Variants in COL5A2 observed in about 807,000 individuals in gnomAD.
COL5A2 encodes the protein collagen alpha-2(V) chain.
A neutral mutation model predicts 208.2 loss-of-function variants in COL5A2; 23 were observed. That is an observed-to-expected ratio of 0.11 (90% CI 0.08 to 0.16). COL5A2 has a LOEUF of 0.16. Ranked by LOEUF, COL5A2 falls within the 10% of genes least tolerant of loss-of-function variation. The pLI is 1.00. For missense variants in COL5A2, 1,590 were observed against 1,956.4 expected, an observed-to-expected ratio of 0.81 and a Z score of 3.53; for synonymous variants, 625 against 628.5, an observed-to-expected ratio of 0.99 and a Z score of 0.08.
chr2:189,256,091 A>G, the COL5A2 span, among the ~76,000 whole-genome samples: 1 of 152,240 alleles, frequency 6.6e-6, no homozygotes, highest in East Asian at 1.9e-4. Flanking sequence ...TTCCAGGCAG[A>G]GTACCTGGCA....
At chr2:189,262,380 C>T in the COL5A2 span, among the ~76,000 whole-genome samples, 28 of 152,036 alleles carry the variant, frequency 1.8e-4, no homozygotes, top group Non-Finnish European at 3.8e-4. Context: ...TGCACACACA[C>T]ACACACATAC....
intron 16 of COL5A2, among the ~76,000 whole-genome samples, chr2:189,075,905 A>T (rs904067336): frequency 1.5e-4 from 23 of 152,162 alleles, no homozygotes; most frequent in African/African-American, 5.6e-4. Flanking sequence ...TGGAAATATA[A>T]CCTGCTGATG....
intron 12 of COL5A2, among the ~76,000 whole-genome samples, chr2:189,081,814 C>A (rs944594489): frequency 6.6e-6 from 1 of 152,064 alleles, no homozygotes; most frequent in Non-Finnish European, 1.5e-5. Context: ...TCCAGTGGCA[C>A]AACTATTTTG....
the COL5A2 span, among the ~76,000 whole-genome samples, chr2:189,385,729 C>T: frequency 6.6e-6 from 1 of 151,820 alleles, no homozygotes; most frequent in Non-Finnish European, 1.5e-5. Flanking sequence ...TTCAAACTAA[C>T]CAAAGGTTGT....
the COL5A2 span, among the ~76,000 whole-genome samples, chr2:189,389,144 A>T: frequency 1.3e-5 from 2 of 152,176 alleles, no homozygotes; most frequent in African/African-American, 4.8e-5. Context: ...TATCAAGGGA[A>T]GATACAAGTT....
At chr2:189,139,138 G>A (rs560287412) in intron 1 of COL5A2, among the ~76,000 whole-genome samples, 15 of 152,066 alleles carry the variant, frequency 9.9e-5, no homozygotes, top group Non-Finnish European at 1.9e-4. Flanking sequence ...GGCTTGGCGC[G>A]GTGGCTCACG....
chr2:189,118,308 AT>A (rs1462248162), intron 1 of COL5A2, among the ~76,000 whole-genome samples: 3 of 152,024 alleles, frequency 2.0e-5, no homozygotes, highest in African/African-American at 7.2e-5. Context: ...GAGAATATTC[AT>A]TATTGTATAC....
intron 1 of COL5A2, among the ~76,000 whole-genome samples, chr2:189,210,862 C>T (rs1162541408): frequency 6.6e-6 from 1 of 152,128 alleles, no homozygotes. Flanking sequence ...GGGGTGGGAC[C>T]GAAGGTTTGC....
chr2:189,140,962 T>C (rs74693769), intron 1 of COL5A2, among the ~76,000 whole-genome samples: 4,004 of 152,284 alleles, frequency 0.026, 190 homozygotes, highest in African/African-American at 0.092. Flanking sequence ...TTCTAAAATA[T>C]ACTAAAATTT....
At chr2:189,068,295 A>G (rs1229933821) in intron 19 of COL5A2, 25 bp from the exon 20 acceptor site, 4 of 1,591,034 alleles carry the variant, frequency 2.5e-6, no homozygotes, top group Non-Finnish European at 3.4e-6. Flanking sequence ...AAAAGTATGT[A>G]ATGAAATATT....
At chr2:189,047,020 G>A (rs1330104288) in intron 45 of COL5A2, among the ~76,000 whole-genome samples, 1 of 151,798 alleles carries the variant, frequency 6.6e-6, no homozygotes, top group Admixed American at 6.6e-5. Flanking sequence ...TACTGGGGAG[G>A]CTGAGGCAGG....
At position 189,100,089 on chromosome 2, in the gene COL5A2, G is replaced by T; in HGVS notation, c.369+18C>A. On this transcript the variant is annotated intron_variant, in intron 4 of 53. Transcript: ENST00000374866. ...TTTATTTAAGGTACAAGGAAACAAT[G>T]ATTATACATATACTTACAACAGGCA... 1.9e-6 allele frequency: 3 copies of T among 1,590,068 alleles called. No homozygotes were observed. Among genetic ancestry groups the T allele is most frequent in the Non-Finnish European group, 2.6e-6 (3 of 1,158,470 alleles).
chr2:189,183,876 T>A (rs1051339016), upstream of COL5A2, among the ~76,000 whole-genome samples: 1 of 152,190 alleles, frequency 6.6e-6, no homozygotes. Context: ...CCCAGACACA[T>A]AAAGCAGTTT....
chr2:189,104,722 C>T (rs2105700316), intron 2 of COL5A2, among the ~76,000 whole-genome samples: 1 of 151,848 alleles, frequency 6.6e-6, no homozygotes, highest in South Asian at 2.1e-4. Context: ...TTCCACTTTA[C>T]CCCCACCCCC....
At chr2:189,323,702 C>T in the COL5A2 span, among the ~76,000 whole-genome samples, 1 of 152,186 alleles carries the variant, frequency 6.6e-6, no homozygotes, top group Non-Finnish European at 1.5e-5. Flanking sequence ...ACATTCCATG[C>T]TCATGGATAG....
chr2:189,061,450 T>C (rs1686029854), intron 30 of COL5A2, 112 bp downstream of exon 30: 6 of 828,582 alleles, frequency 7.2e-6, no homozygotes, highest in East Asian at 2.7e-5. Flanking sequence ...AAAAGAGGGA[T>C]GACTTTTTGA....
the COL5A2 span, among the ~76,000 whole-genome samples, chr2:189,408,119 T>C: frequency 2.6e-5 from 4 of 152,288 alleles, no homozygotes; most frequent in African/African-American, 4.8e-5. Flanking sequence ...TCCTCTCTAA[T>C]CTGGGGCTGC....
chr2:189,063,916 T>C, intron 26 of COL5A2, 64 bp downstream of exon 26: 2 of 1,261,922 alleles, frequency 1.6e-6, no homozygotes, highest in Non-Finnish European at 2.3e-6. Context: ...TAAATAAATA[T>C]CATTTAAGTT....
At position 189,079,110 on chromosome 2, in the gene COL5A2, A is replaced by G; in HGVS notation, c.961-3T>C. On this transcript the variant is annotated splice_region_variant and splice_polypyrimidine_tract_variant and intron_variant, in intron 14 of 53. Transcript: ENST00000374866. ...GGACCAGTGGGGCCAGCTTCACCCT[A>G]AAAAAAAATGAGAATACATTACAGT... 1 of 1,500,156 alleles carries G rather than the reference A, an allele frequency of 6.7e-7. No individual in the cohort carries two copies. The highest frequency in any genetic ancestry group is 1.2e-5 in the South Asian group (1 of 86,016). The allele number at this position is 1,500,156 out of a possible 1,614,324, so 92.9% of individuals were successfully genotyped here. A position where few individuals can be genotyped will look rare whatever the true frequency, so the allele number is the denominator to read the frequency against.
Sources: allele counts gnomAD v4.1 joint callset (sites outside exome capture counted in the v4.1 genomes callset), GRCh38; gene constraint gnomAD v4.1.1; transcripts MANE v1.5; gene names NCBI Gene and HGNC (gene_info 2026-07-23, HGNC 2026-07-21).